TENM2: variants seen among roughly 807,000 people sequenced by gnomAD.
The protein encoded by TENM2 is teneurin transmembrane protein 2, also known as teneurin-2.
TENM2 carries 52 observed loss-of-function variants against 245.2 expected under a neutral mutation model. The observed-to-expected ratio is 0.21, with a 90% CI of 0.17 to 0.27. The LOEUF (loss-of-function observed/expected upper bound fraction) is 0.27. Among genes scored for constraint, TENM2 ranks in the 10% least tolerant of loss-of-function variants. TENM2 has a pLI of 1.00. For synonymous variants in TENM2, 1,363 were observed against 1,438.9 expected (o/e 0.95, Z 1.19); for missense variants, 3,046 against 3,666.8 (o/e 0.83, Z 4.37).
intron 2 of TENM2, among the ~76,000 whole-genome samples, chr5:167,518,134 C>A (rs939844755): frequency 6.6e-6 from 1 of 151,330 alleles, no homozygotes; most frequent in Non-Finnish European, 1.5e-5. Context: ...GCACTCCAGC[C>A]TGGGTGATAG....
intron 2 of TENM2, among the ~76,000 whole-genome samples, chr5:167,571,657 G>T (rs1259265219): frequency 6.6e-6 from 1 of 152,072 alleles, no homozygotes; most frequent in African/African-American, 2.4e-5. Flanking sequence ...CTCTCCTTTT[G>T]TCTGCTTTGG....
intron 12 of TENM2, among the ~76,000 whole-genome samples, chr5:168,131,840 G>C (rs1754609110): frequency 6.6e-6 from 1 of 152,150 alleles, no homozygotes; most frequent in African/African-American, 2.4e-5. Context: ...TTACCACCAG[G>C]CCTGTGGAAT....
chr5:168,249,941 C>T (rs1202158781), intron 27 of TENM2, among the ~76,000 whole-genome samples: 1 of 152,100 alleles, frequency 6.6e-6, no homozygotes, highest in African/African-American at 2.4e-5. Flanking sequence ...ACCCATTCAA[C>T]AAATATTTGT....
the TENM2 span, among the ~76,000 whole-genome samples, chr5:167,069,498 G>A: frequency 6.6e-6 from 1 of 152,048 alleles, no homozygotes; most frequent in Non-Finnish European, 1.5e-5. Flanking sequence ...ATATTAAATG[G>A]AAAGTCAAAA....
At chr5:167,047,748 G>C in the TENM2 span, among the ~76,000 whole-genome samples, 1 of 152,154 alleles carries the variant, frequency 6.6e-6, no homozygotes, top group Non-Finnish European at 1.5e-5. Context: ...GCTGGTGACT[G>C]TTATCATAGT....
At chr5:167,519,135 A>C (rs894501681) in intron 2 of TENM2, among the ~76,000 whole-genome samples, 28 of 152,032 alleles carry the variant, frequency 1.8e-4, no homozygotes, top group African/African-American at 6.5e-4. Flanking sequence ...GACATCTAAC[A>C]CTCTGTAACA....
chr5:168,206,368 C>A (rs1051102419), intron 19 of TENM2, among the ~76,000 whole-genome samples: 1 of 152,172 alleles, frequency 6.6e-6, no homozygotes, highest in Admixed American at 6.5e-5. Context: ...AGCATGGAGG[C>A]GAGCCAGGCA....
upstream of TENM2, among the ~76,000 whole-genome samples, chr5:167,281,744 A>G (rs577569668): frequency 6.6e-6 from 1 of 152,252 alleles, no homozygotes; most frequent in Non-Finnish European, 1.5e-5. Flanking sequence ...CACGCCTGTA[A>G]TCCCAGCACT....
chr5:167,798,529 G>A (rs181946957), intron 2 of TENM2, among the ~76,000 whole-genome samples: 78 of 152,294 alleles, frequency 5.1e-4, no homozygotes, highest in East Asian at 2.9e-3. Context: ...CTGAAGAGGG[G>A]CTGTGCAGTT....
intron 2 of TENM2, among the ~76,000 whole-genome samples, chr5:167,727,467 A>T (rs1346580404): frequency 6.6e-6 from 1 of 152,192 alleles, no homozygotes; most frequent in Non-Finnish European, 1.5e-5. Flanking sequence ...TCCCCTAGGC[A>T]TCTACTGAGT....
At chr5:167,879,672 GT>G (rs950466070) in intron 3 of TENM2, among the ~76,000 whole-genome samples, 1 of 152,008 alleles carries the variant, frequency 6.6e-6, no homozygotes, top group Non-Finnish European at 1.5e-5. Flanking sequence ...AAACATTGAG[GT>G]TTTTTTTAAA....
At chr5:168,169,558 G>A (rs546040831) in intron 13 of TENM2, among the ~76,000 whole-genome samples, 6 of 152,200 alleles carry the variant, frequency 3.9e-5, no homozygotes, top group South Asian at 2.1e-4. Flanking sequence ...TCCCCATCCC[G>A]TAGCCATCCA....
chr5:167,370,056 A>T (rs1452453673), intron 1 of TENM2, among the ~76,000 whole-genome samples: 1 of 152,110 alleles, frequency 6.6e-6, no homozygotes, highest in Admixed American at 6.6e-5. Flanking sequence ...TAAAAAAGGC[A>T]TGGAGGCTGG....
At chr5:167,408,417 G>A (rs1423091683) in intron 2 of TENM2, among the ~76,000 whole-genome samples, 3 of 152,074 alleles carry the variant, frequency 2.0e-5, no homozygotes, top group African/African-American at 7.2e-5. Context: ...TACTCTTGTT[G>A]TATTGCTCAA....
the TENM2 span, among the ~76,000 whole-genome samples, chr5:167,084,327 T>TTATTTATATATATATATGTATA: frequency 4.3e-4 from 10 of 23,180 alleles, 1 homozygote; most frequent in African/African-American, 8.1e-4. Context: ...GCCATTTTAG[T>TTATTTATATATATATATGTATA]TATATATATA....
chr5:168,081,946 T>A (rs1792042874), intron 7 of TENM2, among the ~76,000 whole-genome samples: 2 of 152,348 alleles, frequency 1.3e-5, no homozygotes, highest in African/African-American at 4.8e-5. Context: ...TTTGTGGCAT[T>A]CTCTTCATTT....
rs1561623173 is a variant in TENM2, at chr5:167,635,631, G to GTTTTTT, written c.503-240354_503-240353insTTTTTT. 3.3e-5 allele frequency among the ~76,000 whole-genome samples: 3 copies of GTTTTTT among 90,966 alleles called. No homozygotes were observed. In the East Asian group the frequency reaches 1.8e-3, roughly 55 times the overall value. 59.7% of individuals were successfully genotyped at this position (90,966 alleles called of 152,430 possible). A position where few individuals can be genotyped will look rare whatever the true frequency, so the allele number is the denominator to read the frequency against. On this transcript the variant is annotated intron_variant, in intron 2 of 28. Transcript: ENST00000518659. ...AAGGAATCTGGCTATGATCAGTACA[G>GTTTTTT]TCTTTTTTTTTTTTTTTTTTTTTTT...
intron 2 of TENM2, among the ~76,000 whole-genome samples, chr5:167,762,955 TC>T (rs975763986): frequency 6.6e-6 from 1 of 152,232 alleles, no homozygotes; most frequent in African/African-American, 2.4e-5. Flanking sequence ...AGACTTTTTT[TC>T]CCACCCTTTA....
At chr5:167,605,344 C>A (rs537022084) in intron 2 of TENM2, among the ~76,000 whole-genome samples, 2 of 152,216 alleles carry the variant, frequency 1.3e-5, no homozygotes, top group East Asian at 3.9e-4. Flanking sequence ...CAGCCTTTGT[C>A]TACATGCATG....
Sources: allele counts gnomAD v4.1 joint callset (sites outside exome capture counted in the v4.1 genomes callset), GRCh38; gene constraint gnomAD v4.1.1; transcripts MANE v1.5; gene names NCBI Gene and HGNC (gene_info 2026-07-23, HGNC 2026-07-21).